Variants in BCLAF1 observed in about 807,000 individuals in gnomAD.
BCLAF1 encodes the protein bcl-2-associated transcription factor 1.
In BCLAF1, 10 loss-of-function variants were observed where a neutral mutation model predicts 99.5. That is an observed-to-expected ratio of 0.10 (90% CI 0.06 to 0.17). BCLAF1 has a LOEUF of 0.17. Ranked by LOEUF, BCLAF1 falls within the 10% of genes least tolerant of loss-of-function variation. The pLI is 1.00. For synonymous variants in BCLAF1, 255 were observed against 370.9 expected (o/e 0.69, Z 3.59); for missense variants, 636 against 1,105.8 (o/e 0.58, Z 6.02).
chr6:136,288,103 G>C (rs1357808055), intron 1 of BCLAF1, among the ~76,000 whole-genome samples: 1 of 152,216 alleles, frequency 6.6e-6, no homozygotes, highest in Non-Finnish European at 1.5e-5. Flanking sequence ...TACTACCACT[G>C]TTCCTCAAAG....
In BCLAF1 at chr6:136,278,236, G is replaced by T. The variant is rs758151483; in HGVS notation, c.645C>A (p.Gly215=). 4 of 1,614,154 alleles carry T rather than the reference G, an allele frequency of 2.5e-6. No individual in the cohort carries two copies. Among genetic ancestry groups the T allele is most frequent in the Non-Finnish European group, 3.4e-6 (4 of 1,180,006 alleles). Residue 215 remains glycine (G), a synonymous_variant, in exon 4 of 13, where the codon GGC becomes GGA. Transcript: ENST00000531224. The part of the protein sequence containing the change: ...SSATSGDIWP[G]LSAYDNSPRS... ...TAGGACTATTATCATAAGCTGAAAG[G>T]CCAGGCCAAATATCACCGGATGTGG... is the stretch of plus-strand genomic sequence containing the variant.
intron 1 of BCLAF1, among the ~76,000 whole-genome samples, chr6:136,288,483 C>G (rs1785466944): frequency 6.6e-6 from 1 of 152,214 alleles, no homozygotes; most frequent in Admixed American, 6.5e-5. Context: ...ACCATTCCAA[C>G]TAAAGTCGAA....
At position 136,257,690 on chromosome 6, in the gene BCLAF1, G is replaced by A. The variant is rs1216885145; in HGVS notation, c.*3420C>T. ...ATTACTTTCTCATTTTAAGGCTCAAGAGATTGAGTCTAGCCAAATTAATCC... is the reference window on the plus strand; with the variant it reads ...ATTACTTTCTCATTTTAAGGCTCAAAAGATTGAGTCTAGCCAAATTAATCC... On this transcript the variant is annotated 3_prime_UTR_variant, in exon 13 of 13. Coordinates refer to ENST00000531224, the MANE Select transcript of BCLAF1 (RefSeq NM_014739.3). 1.3e-5 allele frequency: 2 copies of A among 152,126 alleles called. No individual in the cohort carries two copies. Among genetic ancestry groups the A allele is most frequent in the African/African-American group, 4.8e-5 (2 of 41,440 alleles). The allele number at this position is 152,126 out of a possible 1,614,324, so 9.4% of individuals were successfully genotyped here.
rs1279362179 is a variant in BCLAF1, at chr6:136,275,647, G to C, written c.1737C>G (p.Val579=). Residue 579 remains valine, a synonymous_variant, in exon 6 of 13, where the codon GTC becomes GTG. Transcript: ENST00000531224. The part of the protein sequence containing the change: ...RLLASTLVHS[V]KKEQEFRSIF... ...TGGATCGGAATTCTTGCTCCTTCTT[G>C]ACAGAATGGACAAGTGTACTAGCAA... 1 of 1,595,378 alleles carries C rather than the reference G, an allele frequency of 6.3e-7. No homozygotes were observed. Among genetic ancestry groups the C allele is most frequent in the Non-Finnish European group, 8.5e-7 (1 of 1,172,424 alleles).
intron 11 of BCLAF1, 57 bp downstream of exon 11, chr6:136,266,972 C>G (rs1237219929): frequency 1.3e-6 from 2 of 1,587,342 alleles, no homozygotes; most frequent in African/African-American, 2.7e-5. Context: ...AATTTATTCA[C>G]CTAGTATGCT....
At chr6:136,283,668 CT>C (rs530993839) in intron 1 of BCLAF1, among the ~76,000 whole-genome samples, 161 of 152,194 alleles carry the variant, frequency 1.1e-3, no homozygotes, top group African/African-American at 3.7e-3. Flanking sequence ...ATCTGTAACT[CT>C]TACCAAGATC....
At chr6:136,284,130 G>GTATATATATATATATATATATATA (rs60218804) in intron 1 of BCLAF1, among the ~76,000 whole-genome samples, 3 of 122,116 alleles carry the variant, frequency 2.5e-5, no homozygotes, top group South Asian at 2.4e-4. Context: ...GTGTGTGTGT[G>GTATATATATATATATATATATATA]TATATATATA....
At chr6:136,266,713 ACT>A (rs1165373555) in intron 11 of BCLAF1, among the ~76,000 whole-genome samples, 3 of 152,100 alleles carry the variant, frequency 2.0e-5, no homozygotes, top group Non-Finnish European at 4.4e-5. Context: ...TACAACTGTC[ACT>A]GTCTTATAGA....
chr6:136,280,328 T>C (rs1784204900), intron 2 of BCLAF1, among the ~76,000 whole-genome samples: 3 of 152,194 alleles, frequency 2.0e-5, no homozygotes, highest in Admixed American at 2.0e-4. Context: ...GCTGTTATCA[T>C]AGTGCTTTAT....
chr6:136,266,879 T>C lies in BCLAF1; in HGVS notation c.2544+150A>G, dbSNP rs1781788896. On this transcript the variant is annotated intron_variant, in intron 11 of 12. Transcript: ENST00000531224. ...CTAAAGGGACCCACATTTTTCAAAATTTCAAATCGTCTGGGTAATTATTTT... is the reference window on the plus strand; with the variant it reads ...CTAAAGGGACCCACATTTTTCAAAACTTCAAATCGTCTGGGTAATTATTTT... 5 of 1,063,896 alleles carry C rather than the reference T, an allele frequency of 4.7e-6. No individual in the cohort carries two copies. In the Admixed American group the frequency reaches 1.1e-4, roughly 24 times the overall value. 65.9% of individuals were successfully genotyped at this position (1,063,896 alleles called of 1,614,324 possible). A position where few individuals can be genotyped will look rare whatever the true frequency, so the allele number is the denominator to read the frequency against.
At chr6:136,275,473 ATT>A in intron 6 of BCLAF1, 57 bp downstream of exon 6, 1 of 1,416,300 alleles carries the variant, frequency 7.1e-7, no homozygotes, top group Non-Finnish European at 9.4e-7. Flanking sequence ...ATAATTACAC[ATT>A]TTTTTATTTG....
chr6:136,268,364 T>C, intron 9 of BCLAF1, 25 bp from the exon 10 acceptor site: 2 of 1,564,590 alleles, frequency 1.3e-6, no homozygotes, highest in Non-Finnish European at 1.7e-6. Context: ...AAACAAAAAA[T>C]GTGATACTTT....
chr6:136,279,639 A>G, intron 3 of BCLAF1, 124 bp downstream of exon 3: 1 of 1,022,970 alleles, frequency 9.8e-7, no homozygotes. Context: ...ATAACAATAG[A>G]TCCATTTCAC....
At chr6:136,267,950 A>G (rs560012980) in intron 10 of BCLAF1, among the ~76,000 whole-genome samples, 1 of 152,080 alleles carries the variant, frequency 6.6e-6, no homozygotes, top group Admixed American at 6.6e-5. Flanking sequence ...AGTCAAGAAA[A>G]GTACCTAGTT....
Position 136,261,444 on chromosome 6 carries a change from C to A in BCLAF1, c.2578G>T (p.Ala860Ser). The change falls in exon 12 of 13, where the codon GCC becomes TCC. Residue 860 changes from alanine to serine, a missense_variant. Ala to Ser is a moderately conservative substitution (Grantham distance 99). Transcript: ENST00000531224. ...DDRDDGVDYW[A>S]KRGRGRGTFQ... ...GTACCACGACCTCTTCCTCTTTTGG[C>A]CCAATAATCCACACCATCATCTCTG... 6.2e-7 allele frequency: 1 copy of A among 1,613,574 alleles called. No individual in the cohort carries two copies. Among genetic ancestry groups the A allele is most frequent in the Admixed American group, 1.7e-5 (1 of 59,962 alleles).
chr6:136,286,165 ATTCT>A (rs2128493105), intron 1 of BCLAF1, among the ~76,000 whole-genome samples: 1 of 152,282 alleles, frequency 6.6e-6, no homozygotes, highest in East Asian at 1.9e-4. Flanking sequence ...CCCAAAATGA[ATTCT>A]TTAAGATTAC....
chr6:136,278,388 G>A lies in BCLAF1; in HGVS notation c.493C>T (p.Gln165Ter), dbSNP rs760051929. The A allele has an allele frequency of 6.2e-7, 1 of 1,612,364 alleles. No homozygotes were observed. Among genetic ancestry groups the A allele is most frequent in the Admixed American group, 1.7e-5 (1 of 59,494 alleles). ...VSKRRGSQEK[Q>*]TKKAEGEPQE... Reference sequence around the variant, plus strand: ...GGTTCCCCTTCAGCTTTTTTGGTTTGTTTTTCCTGAGACCCTCGTCTTTTA... The same window carrying A: ...GGTTCCCCTTCAGCTTTTTTGGTTTATTTTTCCTGAGACCCTCGTCTTTTA... The change falls in exon 4 of 13, where the codon CAA becomes TAA. Residue 165 changes from glutamine to a stop codon, truncating the protein, a stop_gained. Transcript: ENST00000531224. LOFTEE classifies it high-confidence loss of function.
intron 6 of BCLAF1, among the ~76,000 whole-genome samples, chr6:136,275,137 TCTGA>T (rs990416823): frequency 3.0e-4 from 45 of 152,222 alleles, no homozygotes; most frequent in East Asian, 1.4e-3. Flanking sequence ...AACAATACTG[TCTGA>T]CTTTGTTATA....
chr6:136,280,755 T>C (rs909115756), intron 2 of BCLAF1, among the ~76,000 whole-genome samples: 19 of 152,180 alleles, frequency 1.2e-4, no homozygotes, highest in African/African-American at 3.1e-4. Context: ...CATACACATA[T>C]AGCAAATCAC....
Sources: allele counts gnomAD v4.1 joint callset (sites outside exome capture counted in the v4.1 genomes callset), GRCh38; gene constraint gnomAD v4.1.1; transcripts MANE v1.5; gene names NCBI Gene and HGNC (gene_info 2026-07-23, HGNC 2026-07-21).